The following GNAT3 variants were observed in gnomAD, a reference collection of about 807,000 sequenced individuals.
GNAT3 encodes the protein guanine nucleotide-binding protein G(t) subunit alpha-3.
GNAT3 carries 31 observed loss-of-function variants against 37.7 expected under a neutral mutation model. The ratio of observed to expected loss-of-function variants is 0.82; its 90% CI spans 0.62 to 1.11. GNAT3 has a LOEUF of 1.11. Among genes scored for constraint, GNAT3 ranks in the 50% most tolerant of loss-of-function variants. The pLI is 0.00. For synonymous variants in GNAT3, 138 were observed against 139.8 expected, an observed-to-expected ratio of 0.99 and a Z score of 0.09; for missense variants, 437 against 412.5, an observed-to-expected ratio of 1.06 and a Z score of -0.51.
intron 3 of GNAT3, among the ~76,000 whole-genome samples, chr7:80,486,984 A>G (rs1334184336): frequency 3.3e-5 from 5 of 152,062 alleles, no homozygotes; most frequent in Non-Finnish European, 7.4e-5. Flanking sequence ...TATTTTTGTA[A>G]CTATTATTGC....
intron 4 of GNAT3, among the ~76,000 whole-genome samples, chr7:80,476,322 A>G (rs1422574683): frequency 1.3e-5 from 2 of 151,204 alleles, no homozygotes. Context: ...GGCCCTTAAC[A>G]TATATGAATC....
rs558731485 is a variant in GNAT3, at chr7:80,465,928, CT to C, written c.591-3298del. ...GCTGTGATTGAACAATGATGATTAA[CT>C]TATGGATTTGGGGGACCTGAGGGTA... On this transcript the variant is annotated intron_variant, in intron 5 of 7. Coordinates refer to ENST00000398291, the MANE Select transcript of GNAT3 (RefSeq NM_001102386.3). Among the ~76,000 whole-genome samples the C allele has an allele frequency of 2.1e-3, 314 of 152,172 alleles. 1 individual carries two copies. The highest frequency in any genetic ancestry group is 7.2e-3 in the African/African-American group (300 of 41,540).
intron 1 of GNAT3, among the ~76,000 whole-genome samples, chr7:80,505,129 A>G (rs1790908356): frequency 1.3e-5 from 2 of 152,304 alleles, no homozygotes; most frequent in Admixed American, 6.5e-5. Context: ...GGAGAAGTGT[A>G]TCAGGAAAAT....
intron 3 of GNAT3, chr7:80,487,925 TATAATTTAATGTAAAATA>T (rs1790519740): frequency 2.6e-5 from 4 of 152,192 alleles, no homozygotes; most frequent in Non-Finnish European, 5.9e-5. Context: ...GGATTTCAAA[TATAATTTAATGTAAAATA>T]ATTAGATAGC....
intron 3 of GNAT3, among the ~76,000 whole-genome samples, chr7:80,480,332 C>A (rs1790372793): frequency 6.6e-6 from 1 of 152,098 alleles, no homozygotes; most frequent in Non-Finnish European, 1.5e-5. Context: ...TGTGAGGAAT[C>A]TAAAACTCAG....
At position 80,463,127 on chromosome 7, in the gene GNAT3, T is replaced by G. The variant is rs2116139857; in HGVS notation, c.591-496A>C. Among the ~76,000 whole-genome samples the G allele has an allele frequency of 2.6e-5, 4 of 152,206 alleles. No individual in the cohort carries two copies. The South Asian group carries it at 8.3e-4, about 32-fold the overall frequency. The stretch of plus-strand genomic sequence containing the variant: ...GTCTACTAGCACAAAGATGAAAAGA[T>G]ATGGTCCCTATCTTCGAAGAACGTT... On this transcript the variant is annotated intron_variant, in intron 5 of 7. Transcript: ENST00000398291.
intron 2 of GNAT3, among the ~76,000 whole-genome samples, chr7:80,489,418 T>C (rs1472428785): frequency 6.6e-6 from 1 of 152,164 alleles, no homozygotes; most frequent in Non-Finnish European, 1.5e-5. Flanking sequence ...TTTTGTTCCT[T>C]TCTATTTTCT....
At chr7:80,489,540 C>G (rs181054602) in intron 2 of GNAT3, among the ~76,000 whole-genome samples, 5 of 152,174 alleles carry the variant, frequency 3.3e-5, no homozygotes, top group Admixed American at 3.3e-4. Context: ...GGGAAAAGAG[C>G]ATAAACACCT....
intron 2 of GNAT3, among the ~76,000 whole-genome samples, chr7:80,490,390 G>C (rs960248796): frequency 2.0e-5 from 3 of 152,072 alleles, no homozygotes; most frequent in Non-Finnish European, 4.4e-5. Flanking sequence ...GTTATAAGAA[G>C]GCAGAGCATA....
At chr7:80,493,679 T>C (rs1263559719) in intron 2 of GNAT3, among the ~76,000 whole-genome samples, 3 of 137,796 alleles carry the variant, frequency 2.2e-5, no homozygotes, top group Non-Finnish European at 3.1e-5. Flanking sequence ...TCTTTCCTCC[T>C]CCTCCTCTTT....
At chr7:80,505,172 G>T (rs986655327) in intron 1 of GNAT3, among the ~76,000 whole-genome samples, 3 of 152,104 alleles carry the variant, frequency 2.0e-5, no homozygotes, top group African/African-American at 7.2e-5. Context: ...ATTATCCAGG[G>T]TTGAGGGTTT....
intron 4 of GNAT3, among the ~76,000 whole-genome samples, chr7:80,476,156 C>A (rs1053003569): frequency 2.0e-5 from 3 of 151,392 alleles, no homozygotes. Context: ...TAAATGAAAA[C>A]CTTGGTAAGG....
chr7:80,496,413 G>A (rs1790718122), intron 1 of GNAT3, among the ~76,000 whole-genome samples: 1 of 152,188 alleles, frequency 6.6e-6, no homozygotes, highest in Admixed American at 6.5e-5. Context: ...TTGTAGGCAT[G>A]AGCCACTGCA....
chr7:80,487,930 T>C (rs1438322355), intron 3 of GNAT3: 1 of 152,176 alleles, frequency 6.6e-6, no homozygotes, highest in Non-Finnish European at 1.5e-5. Context: ...TCAAATATAA[T>C]TTAATGTAAA....
At chr7:80,497,656 A>ATATACGTATATG (rs1790756692) in intron 1 of GNAT3, among the ~76,000 whole-genome samples, 1 of 106,238 alleles carries the variant, frequency 9.4e-6, no homozygotes, top group Non-Finnish European at 1.8e-5. Flanking sequence ...ATACGTATAT[A>ATATACGTATATG]CATATACGTA....
chr7:80,510,661 G>T lies in GNAT3; in HGVS notation c.118+1148C>A, dbSNP rs114003997. ...CCAACCTCTGGGTAGTTACTGACAA[G>T]TGCTGTGGGCCTGTGTGCAGGCACA... On this transcript the variant is annotated intron_variant, in intron 1 of 7. Coordinates refer to ENST00000398291, the MANE Select transcript of GNAT3 (RefSeq NM_001102386.3). 6.5e-3 allele frequency among the ~76,000 whole-genome samples: 987 copies of T among 152,242 alleles called. 9 individuals carry two copies. The highest frequency in any genetic ancestry group is 0.022 in the African/African-American group (926 of 41,552).
intron 1 of GNAT3, among the ~76,000 whole-genome samples, chr7:80,496,092 G>A (rs1353719396): frequency 1.3e-5 from 2 of 152,046 alleles, no homozygotes; most frequent in African/African-American, 2.4e-5. Context: ...ACTTGCTTTT[G>A]AAGTCTTAGT....
chr7:80,467,559 C>A (rs1309664445), intron 5 of GNAT3, among the ~76,000 whole-genome samples: 1 of 151,926 alleles, frequency 6.6e-6, no homozygotes, highest in Non-Finnish European at 1.5e-5. Flanking sequence ...TAGCTTTTCC[C>A]CAAATTTTAA....
intron 3 of GNAT3, among the ~76,000 whole-genome samples, chr7:80,487,145 GTGGGTATACTA>G (rs201566124): frequency 0.014 from 2,098 of 152,078 alleles, 48 homozygotes; most frequent in African/African-American, 0.048. Flanking sequence ...TTAAATTAAG[GTGGGTATACTA>G]TGTTGTTTCT....
Sources: allele counts gnomAD v4.1 joint callset (sites outside exome capture counted in the v4.1 genomes callset), GRCh38; gene constraint gnomAD v4.1.1; transcripts MANE v1.5; gene names NCBI Gene and HGNC (gene_info 2026-07-23, HGNC 2026-07-21).